The following BMPR1B variants were observed in gnomAD, a reference collection of about 807,000 sequenced individuals.
The protein encoded by BMPR1B is bone morphogenetic protein receptor type 1B.
Under a neutral mutation model 59.1 loss-of-function variants are expected in BMPR1B, and 12 were observed. That is an observed-to-expected ratio of 0.20 (90% confidence interval 0.13 to 0.33). The LOEUF (loss-of-function observed/expected upper bound fraction) is 0.33, where lower values mean the gene tolerates loss of function less well. Ranked by LOEUF, BMPR1B falls within the 10% of genes least tolerant of loss-of-function variation. The pLI is 1.00. For missense variants in BMPR1B, 550 were observed against 610.9 expected, an observed-to-expected ratio of 0.90 and a Z score of 1.05; for synonymous variants, 237 against 207.3, an observed-to-expected ratio of 1.14 and a Z score of -1.23.
chr4:94,816,019 C>A (rs1422504326), intron 1 of BMPR1B, among the ~76,000 whole-genome samples: 1 of 152,080 alleles, frequency 6.6e-6, no homozygotes, highest in Non-Finnish European at 1.5e-5. Context: ...TATCTGTTAT[C>A]TTGGCTTTGT....
At chr4:95,107,277 G>A (rs1014533642) in intron 4 of BMPR1B, among the ~76,000 whole-genome samples, 2 of 151,988 alleles carry the variant, frequency 1.3e-5, no homozygotes, top group African/African-American at 4.8e-5. Context: ...CAGCTATGTT[G>A]GATCTATTAG....
At chr4:94,868,983 A>G (rs768332022) in intron 1 of BMPR1B, among the ~76,000 whole-genome samples, 8 of 152,130 alleles carry the variant, frequency 5.3e-5, no homozygotes, top group Non-Finnish European at 1.2e-4. Context: ...GTTAAATGTT[A>G]GAGTGCTCTG....
intron 3 of BMPR1B, chr4:95,091,449 G>A (rs1293196611): frequency 2.0e-6 from 2 of 985,006 alleles, no homozygotes; most frequent in Non-Finnish European, 2.4e-6. Context: ...AGCTGTATTA[G>A]GCAACCACAG....
chr4:94,787,853 C>G (rs544721182), intron 1 of BMPR1B, among the ~76,000 whole-genome samples: 2 of 152,190 alleles, frequency 1.3e-5, no homozygotes, highest in South Asian at 2.1e-4. Context: ...CTATTTTATA[C>G]TGGAACTCAT....
At chr4:94,783,105 C>T (rs1262996743) in intron 1 of BMPR1B, among the ~76,000 whole-genome samples, 2 of 152,096 alleles carry the variant, frequency 1.3e-5, no homozygotes, top group Admixed American at 1.3e-4. Context: ...GGTCTCTTTC[C>T]CTTATATCTT....
chr4:95,117,839 C>T (rs1475328099), intron 6 of BMPR1B, among the ~76,000 whole-genome samples: 2 of 151,922 alleles, frequency 1.3e-5, no homozygotes, highest in East Asian at 1.9e-4. Flanking sequence ...AGATTTCAGT[C>T]CAGTTAGGAG....
chr4:94,807,623 A>C (rs1307313164), intron 1 of BMPR1B, among the ~76,000 whole-genome samples: 2 of 152,190 alleles, frequency 1.3e-5, no homozygotes, highest in Admixed American at 6.5e-5. Context: ...GGAGAATAGA[A>C]AGTTAATTCA....
chr4:95,054,365 A>G (rs1334904913), intron 3 of BMPR1B, among the ~76,000 whole-genome samples: 2 of 152,162 alleles, frequency 1.3e-5, no homozygotes, highest in African/African-American at 4.8e-5. Context: ...TTTACTAGAA[A>G]GAGATACAGG....
chr4:95,094,565 G>A (rs1730227766), intron 3 of BMPR1B, among the ~76,000 whole-genome samples: 1 of 152,076 alleles, frequency 6.6e-6, no homozygotes, highest in Admixed American at 6.6e-5. Flanking sequence ...TATGTGCAAA[G>A]AACCATAGTT....
intron 2 of BMPR1B, among the ~76,000 whole-genome samples, chr4:94,992,733 A>T (rs1721829771): frequency 6.6e-6 from 1 of 152,206 alleles, no homozygotes. Context: ...AATATCATTC[A>T]TCTGCAATTA....
chr4:94,821,260 T>G (rs552701336), intron 1 of BMPR1B, among the ~76,000 whole-genome samples: 5 of 152,208 alleles, frequency 3.3e-5, no homozygotes, highest in Non-Finnish European at 5.9e-5. Flanking sequence ...TGCAGCCTAC[T>G]AATTGAAAAC....
chr4:94,840,275 G>A (rs1331109076), intron 1 of BMPR1B, among the ~76,000 whole-genome samples: 15 of 148,212 alleles, frequency 1.0e-4, no homozygotes, highest in South Asian at 2.2e-4. Flanking sequence ...TCTTTGTGGC[G>A]TTCTCTGTAT....
intron 2 of BMPR1B, among the ~76,000 whole-genome samples, chr4:94,938,203 A>G (rs1729389459): frequency 1.3e-5 from 2 of 152,140 alleles, no homozygotes; most frequent in African/African-American, 4.8e-5. Flanking sequence ...TGTGTTTTGT[A>G]TATGGTGTCC....
At chr4:95,018,429 A>G (rs1254925791) in intron 3 of BMPR1B, among the ~76,000 whole-genome samples, 2 of 152,178 alleles carry the variant, frequency 1.3e-5, no homozygotes, top group Non-Finnish European at 2.9e-5. Flanking sequence ...TAGAAAGTTA[A>G]TATTGCTCTA....
At chr4:95,058,736 A>G (rs975238067) in intron 3 of BMPR1B, among the ~76,000 whole-genome samples, 3 of 152,234 alleles carry the variant, frequency 2.0e-5, no homozygotes, top group South Asian at 2.1e-4. Context: ...AGTCTTTGCT[A>G]AAGTGTTTAC....
intron 1 of BMPR1B, among the ~76,000 whole-genome samples, chr4:94,833,398 C>T (rs917995743): frequency 2.6e-5 from 4 of 152,098 alleles, no homozygotes; most frequent in African/African-American, 9.7e-5. Context: ...CTTAACAAGA[C>T]CCATAAAGTA....
At chr4:94,866,878 A>G (rs72887863) in intron 1 of BMPR1B, among the ~76,000 whole-genome samples, 5,766 of 152,230 alleles carry the variant, frequency 0.038, 357 homozygotes, top group African/African-American at 0.13. Flanking sequence ...CACTGTGTCC[A>G]GCCTCATTCA....
At chr4:94,917,850 C>T (rs1289627326) in intron 2 of BMPR1B, among the ~76,000 whole-genome samples, 1 of 152,164 alleles carries the variant, frequency 6.6e-6, no homozygotes, top group Non-Finnish European at 1.5e-5. Flanking sequence ...CTCATTAGTG[C>T]TGGAGGTGAG....
At chr4:94,874,709 C>T (rs904538114) in intron 1 of BMPR1B, among the ~76,000 whole-genome samples, 2 of 152,000 alleles carry the variant, frequency 1.3e-5, no homozygotes, top group African/African-American at 2.4e-5. Flanking sequence ...GGCTATTGGC[C>T]GGGTGCGGTG....
Sources: gnomAD v4.1 joint callset for allele counts (sites outside exome capture counted in the v4.1 genomes callset) on GRCh38, gnomAD v4.1.1 for gene constraint, MANE v1.5 for transcripts, NCBI Gene and HGNC (gene_info 2026-07-23, HGNC 2026-07-21) for gene names.